The following ITGAL variants were observed in gnomAD, a reference collection of about 807,000 sequenced individuals.
ITGAL encodes the protein integrin alpha-L.
ITGAL carries 68 observed loss-of-function variants against 138.4 expected under a neutral mutation model. That is an observed-to-expected ratio of 0.49 (90% CI 0.40 to 0.60). ITGAL has a LOEUF of 0.60. ITGAL is among the 20% of genes least tolerant of loss of function. The pLI is 0.00. For synonymous variants in ITGAL, 561 were observed against 584.3 expected, an observed-to-expected ratio of 0.96 and a Z score of 0.57; for missense variants, 1,256 against 1,478.6, an observed-to-expected ratio of 0.85 and a Z score of 2.47.
chr16:30,474,256 C>CG lies in ITGAL; in HGVS notation c.122_123insG (p.Gly42ArgfsTer71). 1 of 1,609,268 alleles carries CG rather than the reference C, an allele frequency of 6.2e-7. No homozygotes were observed. The highest frequency in any genetic ancestry group is 8.5e-7 in the Non-Finnish European group (1 of 1,177,968). The stretch of plus-strand genomic sequence containing the variant: ...GCGCGGAGCTTCTCCCCACCGCGCG[C>CG]CGGGAGGCACTTTGGATACCGCGTC... On this transcript the variant is annotated frameshift_variant, in exon 2 of 31. Coordinates refer to ENST00000356798, the MANE Select transcript of ITGAL (RefSeq NM_002209.3). LOFTEE classifies it high-confidence loss of function.
chr16:30,474,062 C>A lies in ITGAL; in HGVS notation c.62-134C>A, dbSNP rs375590421. ...CTCCTTCCATATTCCCAGAAGTCAA[C>A]GCCCTGGAGGGGAAGCGCAGGGTGC... On this transcript the variant is annotated intron_variant, in intron 1 of 30. Transcript: ENST00000356798. 7 of 714,994 alleles carry A rather than the reference C, an allele frequency of 9.8e-6. No homozygotes were observed. In the African/African-American group the frequency reaches 1.2e-4, roughly 12 times the overall value. 44.3% of individuals were successfully genotyped at this position (714,994 alleles called of 1,614,324 possible).
chr16:30,476,701 C>T (rs1243916935), intron 4 of ITGAL, among the ~76,000 whole-genome samples: 1 of 150,060 alleles, frequency 6.7e-6, no homozygotes, highest in Non-Finnish European at 1.5e-5. Flanking sequence ...GGCATGATCT[C>T]AGTTCACTGC....
At chr16:30,506,592 A>G (rs1256440771) in intron 20 of ITGAL, 123 bp from the exon 21 acceptor site, 3 of 449,296 alleles carry the variant, frequency 6.7e-6, no homozygotes, top group African/African-American at 2.2e-5. Flanking sequence ...AAAAAAAAAA[A>G]AAGACTGAGC....
intron 4 of ITGAL, among the ~76,000 whole-genome samples, chr16:30,478,163 G>A (rs140383358): frequency 7.9e-5 from 12 of 150,980 alleles, no homozygotes; most frequent in East Asian, 3.9e-4. Context: ...GTGAAACCCC[G>A]TCTCTACTAA....
chr16:30,521,236 GTC>G (rs1436535568), intron 30 of ITGAL, among the ~76,000 whole-genome samples: 1 of 151,762 alleles, frequency 6.6e-6, no homozygotes, highest in Non-Finnish European at 1.5e-5. Flanking sequence ...GTGAAACCCT[GTC>G]TCTACTAAAA....
intron 6 of ITGAL, 93 bp from the exon 7 acceptor site, chr16:30,481,345 TA>T (rs57608894): frequency 0.46 from 203,706 of 446,268 alleles, 31,239 homozygotes; most frequent in Admixed American, 0.6. Flanking sequence ...AAACTCCATC[TA>T]AAAAAAAAAA....
intron 9 of ITGAL, among the ~76,000 whole-genome samples, chr16:30,485,671 C>T (rs2050636750): frequency 7.3e-6 from 1 of 137,680 alleles, no homozygotes; most frequent in Admixed American, 7.9e-5. Flanking sequence ...GATACCACAC[C>T]TGGCTAATTT....
At chr16:30,490,207 G>T (rs2050705011) in intron 11 of ITGAL, among the ~76,000 whole-genome samples, 1 of 122,962 alleles carries the variant, frequency 8.1e-6, no homozygotes, top group South Asian at 2.9e-4. Flanking sequence ...CAGCCAAGAT[G>T]ACAGAGCGAG....
chr16:30,504,200 C>T lies in ITGAL; in HGVS notation c.2171C>T (p.Pro724Leu). Residue 724 changes from proline (P) to leucine (L), a missense_variant, in exon 18 of 31, where the codon CCC (proline) becomes CTC (leucine). This residue lies in a region of ITGAL where 867 missense variants were observed against 972.5 expected (regional missense o/e 0.89). Coordinates refer to ENST00000356798, the MANE Select transcript of ITGAL (RefSeq NM_002209.3). ...GTATGTGTTCAAGACCTCATCTCCC[C>T]CATCAATGTTTCCCTGAATTTCTCT... is the stretch of plus-strand genomic sequence containing the variant. ...FPVCVQDLIS[P>L]INVSLNFSLW... 6.2e-7 allele frequency: 1 copy of T among 1,613,674 alleles called. No homozygotes were observed. The highest frequency in any genetic ancestry group is 8.5e-7 in the Non-Finnish European group (1 of 1,179,644).
intron 1 of ITGAL, among the ~76,000 whole-genome samples, chr16:30,473,642 G>A (rs981649281): frequency 6.6e-6 from 1 of 152,184 alleles, no homozygotes; most frequent in Admixed American, 6.5e-5. Context: ...AAAGCAGGGC[G>A]GAAAGGACAG....
At chr16:30,502,775 C>T (rs1016617330) in intron 17 of ITGAL, among the ~76,000 whole-genome samples, 40 of 150,388 alleles carry the variant, frequency 2.7e-4, no homozygotes, top group Middle Eastern at 6.9e-3. Flanking sequence ...TCATATAAGA[C>T]AGTATAGGAT....
intron 1 of ITGAL, chr16:30,473,906 C>G (rs572877771): frequency 5.4e-6 from 3 of 557,318 alleles, no homozygotes; most frequent in Non-Finnish European, 6.8e-6. Context: ...TGCCTTGGGG[C>G]CCCTTGGGTC....
At chr16:30,506,887 C>A in intron 21 of ITGAL, 31 bp downstream of exon 21, 2 of 1,611,560 alleles carry the variant, frequency 1.2e-6, no homozygotes, top group East Asian at 4.5e-5. Context: ...TGCCTGCGGG[C>A]ATCTGTTCGG....
intron 22 of ITGAL, 40 bp from the exon 23 acceptor site, chr16:30,510,841 A>T (rs530985503): frequency 1.3e-6 from 2 of 1,547,032 alleles, no homozygotes; most frequent in African/African-American, 2.7e-5. Context: ...GCTGCTCCTC[A>T]TGACCCTTCC....
At chr16:30,476,149 G>T (rs1291906021) in intron 4 of ITGAL, among the ~76,000 whole-genome samples, 1 of 151,998 alleles carries the variant, frequency 6.6e-6, no homozygotes, top group Non-Finnish European at 1.5e-5. Flanking sequence ...TACGCAGGAG[G>T]CTGAGGCAGG....
chr16:30,508,058 A>T (rs1388814792), intron 21 of ITGAL, among the ~76,000 whole-genome samples: 2 of 140,018 alleles, frequency 1.4e-5, no homozygotes, highest in East Asian at 2.3e-4. Flanking sequence ...ACAGGCGCCC[A>T]CCACCACGCC....
At chr16:30,506,148 T>C (rs895058646) in intron 20 of ITGAL, among the ~76,000 whole-genome samples, 4 of 151,068 alleles carry the variant, frequency 2.6e-5, no homozygotes, top group Non-Finnish European at 5.9e-5. Context: ...TAATCCCAGC[T>C]ATTTGGGAGG....
At chr16:30,498,623 G>C (rs2050838456) in intron 15 of ITGAL, 1 of 154,964 alleles carries the variant, frequency 6.5e-6, no homozygotes, top group Non-Finnish European at 1.4e-5. Context: ...TATTGGCCAG[G>C]CATGGTGGCT....
chr16:30,521,918 C>T lies in ITGAL; in HGVS notation c.*253C>T. The T allele has an allele frequency of 2.2e-6, 1 of 446,260 alleles. No individual in the cohort carries two copies. The highest frequency in any genetic ancestry group is 4.0e-6 in the Non-Finnish European group (1 of 248,540). 27.6% of individuals were successfully genotyped at this position (446,260 alleles called of 1,614,324 possible). A position where few individuals can be genotyped will look rare whatever the true frequency, so the allele number is the denominator to read the frequency against. Reference sequence around the variant, plus strand: ...TCATTACCAGACGGTTCACCAGCCTCTCTTGGTTTCCTTCCTTGGAAGAGA... The same window carrying T: ...TCATTACCAGACGGTTCACCAGCCTTTCTTGGTTTCCTTCCTTGGAAGAGA... On this transcript the variant is annotated 3_prime_UTR_variant, in exon 31 of 31. Coordinates refer to ENST00000356798, the MANE Select transcript of ITGAL (RefSeq NM_002209.3).
Sources: gnomAD v4.1 joint callset for allele counts (sites outside exome capture counted in the v4.1 genomes callset) on GRCh38, gnomAD v4.1.1 for gene constraint, gnomAD v4.1.1 regional missense constraint, MANE v1.5 for transcripts, NCBI Gene and HGNC (gene_info 2026-07-23, HGNC 2026-07-21) for gene names.